The following TMEM207 variants were observed in gnomAD, a reference collection of about 807,000 sequenced individuals.
TMEM207 encodes the protein SRSR846.
In TMEM207, 15 loss-of-function variants were observed where a neutral mutation model predicts 17.4. That is an observed-to-expected ratio of 0.86 (90% CI 0.58 to 1.33). The LOEUF is 1.33. Among genes scored for constraint, TMEM207 ranks in the 40% most tolerant of loss-of-function variants. The pLI, the probability that TMEM207 is intolerant of heterozygous loss-of-function variation, is 0.00. For synonymous variants in TMEM207, 70 were observed against 65.6 expected (o/e 1.07, Z -0.33); for missense variants, 205 against 173.8 (o/e 1.18, Z -1.01).
chr3:190,435,120 G>A (rs1209593136), intron 4 of TMEM207, among the ~76,000 whole-genome samples: 1 of 152,054 alleles, frequency 6.6e-6, no homozygotes, highest in Non-Finnish European at 1.5e-5. Flanking sequence ...GAGAGCAGCT[G>A]TATTAGTTTA....
intron 2 of TMEM207, among the ~76,000 whole-genome samples, chr3:190,447,038 G>A (rs1167141707): frequency 6.6e-6 from 1 of 152,118 alleles, no homozygotes; most frequent in African/African-American, 2.4e-5. Flanking sequence ...TCCACCAGAA[G>A]CAGGTGAATG....
At chr3:190,440,097 A>G (rs1366113042) in intron 4 of TMEM207, 147 bp downstream of exon 4, 5 of 885,390 alleles carry the variant, frequency 5.6e-6, no homozygotes, top group Non-Finnish European at 8.2e-6. Flanking sequence ...TTTCTCCCTT[A>G]AACTCTCCTC....
chr3:190,438,139 T>C (rs1246155598), intron 4 of TMEM207, among the ~76,000 whole-genome samples: 1 of 150,784 alleles, frequency 6.6e-6, no homozygotes, highest in Non-Finnish European at 1.5e-5. Context: ...GAGATATACC[T>C]AATGCAAAAT....
chr3:190,436,448 T>A (rs1719804535), intron 4 of TMEM207, among the ~76,000 whole-genome samples: 1 of 152,152 alleles, frequency 6.6e-6, no homozygotes, highest in Non-Finnish European at 1.5e-5. Context: ...TGAGGGAAAT[T>A]CAGAAGCACA....
At chr3:190,443,091 T>C (rs1719967954) in intron 2 of TMEM207, among the ~76,000 whole-genome samples, 1 of 152,084 alleles carries the variant, frequency 6.6e-6, no homozygotes, top group Non-Finnish European at 1.5e-5. Flanking sequence ...ATATACATTT[T>C]TTAAGAGACA....
intron 4 of TMEM207, among the ~76,000 whole-genome samples, chr3:190,430,595 A>G (rs988167596): frequency 6.6e-6 from 1 of 151,948 alleles, no homozygotes; most frequent in African/African-American, 2.4e-5. Context: ...CCTTTGAATG[A>G]TTTTGACTGC....
intron 2 of TMEM207, 76 bp from the exon 3 acceptor site, chr3:190,441,558 T>G: frequency 8.4e-7 from 1 of 1,187,074 alleles, no homozygotes; most frequent in Non-Finnish European, 1.2e-6. Flanking sequence ...ATAAAATTGG[T>G]ACTGATCACA....
At chr3:190,432,059 C>T (rs1312219217) in intron 4 of TMEM207, among the ~76,000 whole-genome samples, 4 of 152,080 alleles carry the variant, frequency 2.6e-5, no homozygotes, top group Non-Finnish European at 4.4e-5. Context: ...AATTAAGAAG[C>T]TGAGAGAACT....
chr3:190,429,893 A>G (rs1220699003), intron 4 of TMEM207, among the ~76,000 whole-genome samples, 162 bp from the exon 5 acceptor site: 1 of 137,306 alleles, frequency 7.3e-6, no homozygotes, highest in African/African-American at 3.0e-5. Context: ...TTTGCAGTGA[A>G]GGTTTAGTCA....
chr3:190,435,680 G>A (rs907494854), intron 4 of TMEM207, among the ~76,000 whole-genome samples: 1 of 152,188 alleles, frequency 6.6e-6, no homozygotes, highest in Non-Finnish European at 1.5e-5. Flanking sequence ...CACTTCAGGG[G>A]TATAGATCCT....
At chr3:190,446,788 A>G (rs1458094897) in intron 2 of TMEM207, among the ~76,000 whole-genome samples, 2 of 152,184 alleles carry the variant, frequency 1.3e-5, no homozygotes, top group Admixed American at 1.3e-4. Flanking sequence ...CCAATTCTGA[A>G]CTTCTTTATT....
intron 4 of TMEM207, 41 bp downstream of exon 4, chr3:190,440,203 A>T: frequency 6.4e-7 from 1 of 1,570,532 alleles, no homozygotes; most frequent in Non-Finnish European, 8.6e-7. Context: ...GCAAAACCAC[A>T]AAGTATCAAA....
chr3:190,440,955 G>T (rs996883346), intron 3 of TMEM207, among the ~76,000 whole-genome samples: 3 of 152,134 alleles, frequency 2.0e-5, no homozygotes, highest in Admixed American at 1.3e-4. Context: ...TGTAATCCCA[G>T]CTACTCCGGA....
intron 2 of TMEM207, among the ~76,000 whole-genome samples, chr3:190,442,266 T>C (rs1441063473): frequency 6.6e-6 from 1 of 152,202 alleles, no homozygotes; most frequent in Non-Finnish European, 1.5e-5. Context: ...TTTAAGGTAT[T>C]CTGAACTGAG....
intron 3 of TMEM207, among the ~76,000 whole-genome samples, chr3:190,440,790 C>A (rs186861119): frequency 1.3e-5 from 2 of 152,152 alleles, no homozygotes; most frequent in African/African-American, 4.8e-5. Flanking sequence ...GCAGAGGGGC[C>A]GGGCGCGGTG....
chr3:190,439,207 T>C (rs1435961215), intron 4 of TMEM207, among the ~76,000 whole-genome samples: 1 of 144,288 alleles, frequency 6.9e-6, no homozygotes, highest in Non-Finnish European at 1.5e-5. Context: ...AAAAGAACCA[T>C]TTCCCAAACT....
At chr3:190,443,145 C>CTTTTTTTTTTTT (rs201791052) in intron 2 of TMEM207, among the ~76,000 whole-genome samples, 1 of 140,328 alleles carries the variant, frequency 7.1e-6, no homozygotes, top group African/African-American at 2.6e-5. Context: ...ATTAAAAAAG[C>CTTTTTTTTTTTT]TTTTTTTTTT....
At chr3:190,432,632 T>C (rs1349582853) in intron 4 of TMEM207, among the ~76,000 whole-genome samples, 1 of 151,920 alleles carries the variant, frequency 6.6e-6, no homozygotes, top group Non-Finnish European at 1.5e-5. Flanking sequence ...TTCTGAAAAA[T>C]CATAAAATAA....
In TMEM207 at chr3:190,440,520, T is replaced by G. The variant is rs1319271488; in HGVS notation, c.159-131A>C. ...CAAGCAATGTGGGACACTGAATTCC[T>G]TAAGCAATTTCCTACCACCACCCAT... is the stretch of plus-strand genomic sequence containing the variant. On this transcript the variant is annotated intron_variant, in intron 3 of 4. Transcript: ENST00000354905. 5.7e-6 allele frequency: 4 copies of G among 703,820 alleles called. No individual in the cohort carries two copies. In the South Asian group the frequency reaches 1.0e-4, roughly 18 times the overall value. 43.6% of individuals were successfully genotyped at this position (703,820 alleles called of 1,614,324 possible).
Sources: allele counts gnomAD v4.1 joint callset (sites outside exome capture counted in the v4.1 genomes callset), GRCh38; gene constraint gnomAD v4.1.1; transcripts MANE v1.5; gene names NCBI Gene and HGNC (gene_info 2026-07-23, HGNC 2026-07-21).